The following SLC26A11 variants were observed in gnomAD, a reference collection of about 807,000 sequenced individuals.
The protein encoded by SLC26A11 is solute carrier family 26 member 11, also known as sodium-independent sulfate anion transporter.
In SLC26A11, 58 loss-of-function variants were observed where a neutral mutation model predicts 62.2. The observed-to-expected ratio is 0.93, with a 90% confidence interval of 0.76 to 1.16. The LOEUF (loss-of-function observed/expected upper bound fraction) is 1.16, where lower values mean the gene tolerates loss of function less well. Ranked by LOEUF, SLC26A11 falls within the 50% of genes most tolerant of loss-of-function variation. The pLI, the probability that SLC26A11 is intolerant of heterozygous loss-of-function variation, is 0.00. For missense variants in SLC26A11, 790 were observed against 794.3 expected, an observed-to-expected ratio of 0.99 and a Z score of 0.06; for synonymous variants, 411 against 368.9, an observed-to-expected ratio of 1.11 and a Z score of -1.31.
intron 17 of SLC26A11, 40 bp downstream of exon 17, chr17:80,251,441 T>G (rs765032614): frequency 1.2e-6 from 2 of 1,611,236 alleles, no homozygotes; most frequent in East Asian, 4.5e-5. Context: ...GGTGATTTTG[T>G]AAAAATCATA....
At chr17:80,229,753 G>C (rs566457435) in intron 7 of SLC26A11, among the ~76,000 whole-genome samples, 36 of 152,262 alleles carry the variant, frequency 2.4e-4, no homozygotes, top group Non-Finnish European at 4.9e-4. Flanking sequence ...CTTAAACCTT[G>C]AGACTCAGAG....
At chr17:80,236,339 G>T (rs1024503579) in intron 7 of SLC26A11, among the ~76,000 whole-genome samples, 1 of 152,210 alleles carries the variant, frequency 6.6e-6, no homozygotes, top group African/African-American at 2.4e-5. Flanking sequence ...AGCTCCAGCT[G>T]CAGGCCTCCT....
rs1365948218 is a variant in SLC26A11 at position 80,222,800 on chromosome 17, C to T, written c.380C>T (p.Ala127Val). 1.2e-6 allele frequency: 2 copies of T among 1,614,224 alleles called. No individual in the cohort carries two copies. The highest frequency in any genetic ancestry group is 2.2e-5 in the South Asian group (2 of 91,086). Residue 127 changes from alanine (A) to valine (V), a missense_variant, in exon 4 of 18, where the codon GCC (alanine) becomes GTC (valine). Transcript: ENST00000361193. This position sits in a 1 kb window ranked among gnomAD's most constrained non-coding sequence, Gnocchi z 4.7. The stretch of plus-strand genomic sequence containing the variant: ...GAGCCCGCCTACGCTGTGCTGCTGG[C>T]CTTCCTGTCCGGCTGCATCCAGCTG... ...FHEPAYAVLLAFLSGCIQLAM... is the reference protein window; with the variant it reads ...FHEPAYAVLLVFLSGCIQLAM...
rs111866782 is a variant in SLC26A11, at chr17:80,238,888, C to T, written c.985+1294C>T. ...TGGCCCAGGCTGGAGTGCAGTGGCA[C>T]GATCTCTGCTCACTGCAACCTCCGC... On this transcript the variant is annotated intron_variant, in intron 9 of 17. Transcript: ENST00000361193. 8.3e-3 allele frequency among the ~76,000 whole-genome samples: 1,193 copies of T among 143,488 alleles called. 11 individuals are homozygous for T. Among genetic ancestry groups the T allele is most frequent in the African/African-American group, 0.029 (1,083 of 37,738 alleles). 94.1% of individuals were successfully genotyped at this position (143,488 alleles called of 152,430 possible).
At chr17:80,230,784 T>G (rs1379142779) in intron 7 of SLC26A11, among the ~76,000 whole-genome samples, 2 of 152,216 alleles carry the variant, frequency 1.3e-5, no homozygotes, top group Non-Finnish European at 2.9e-5. Context: ...CTCCCCAGTG[T>G]GTGTAGCATT....
intron 10 of SLC26A11, among the ~76,000 whole-genome samples, chr17:80,242,550 G>T (rs1270891908): frequency 1.3e-5 from 2 of 152,192 alleles, no homozygotes; most frequent in Non-Finnish European, 2.9e-5. Flanking sequence ...CCTGCCCTGT[G>T]CCTCCCTCCA....
At chr17:80,250,705 T>A (rs959655646) in intron 16 of SLC26A11, among the ~76,000 whole-genome samples, 1 of 151,982 alleles carries the variant, frequency 6.6e-6, no homozygotes, top group African/African-American at 2.4e-5. Flanking sequence ...CGCACGCCTG[T>A]AATCCCAGCT....
chr17:80,235,006 T>C (rs570058921), intron 7 of SLC26A11, among the ~76,000 whole-genome samples: 60 of 152,172 alleles, frequency 3.9e-4, no homozygotes, highest in Middle Eastern at 3.2e-3. Context: ...TCCACCACCA[T>C]GCCCAGCTAA....
chr17:80,224,315 G>C (rs1044297502), intron 5 of SLC26A11, among the ~76,000 whole-genome samples: 1 of 107,370 alleles, frequency 9.3e-6, no homozygotes, highest in Non-Finnish European at 1.8e-5. Flanking sequence ...GTGTGAGAGA[G>C]TGTGAGTGTG....
At chr17:80,232,172 C>T (rs897996086) in intron 7 of SLC26A11, among the ~76,000 whole-genome samples, 7 of 151,694 alleles carry the variant, frequency 4.6e-5, no homozygotes, top group Non-Finnish European at 2.9e-5. Flanking sequence ...TTTTTCTGGG[C>T]AATATTCTCT....
In SLC26A11 at chr17:80,248,649, G is replaced by A; in HGVS notation, c.1497G>A (p.Glu499=). ...TCCCTGCCATGGAGGCTCTGCGGGA[G>A]GAGATCCTAAGCCGGGCCCTGGAAG... is the stretch of plus-strand genomic sequence containing the variant. ...LSFPAMEALR[E]EILSRALEVS... Residue 499 remains glutamate (E), a synonymous_variant, in exon 15 of 18, where the codon GAG becomes GAA. Transcript: ENST00000361193. 6.3e-7 allele frequency: 1 copy of A among 1,579,970 alleles called. No homozygotes were observed. The highest frequency in any genetic ancestry group is 8.6e-7 in the Non-Finnish European group (1 of 1,162,958).
intron 16 of SLC26A11, among the ~76,000 whole-genome samples, chr17:80,250,838 A>G (rs2144990754): frequency 6.6e-6 from 1 of 150,638 alleles, no homozygotes; most frequent in South Asian, 2.1e-4. Flanking sequence ...AAAAACAAAC[A>G]AACAAACAAA....
At chr17:80,231,580 C>A (rs1006365164) in intron 7 of SLC26A11, among the ~76,000 whole-genome samples, 1 of 152,176 alleles carries the variant, frequency 6.6e-6, no homozygotes, top group African/African-American at 2.4e-5. Flanking sequence ...TTAGCTGCAT[C>A]CCACAGTTTT....
At chr17:80,242,228 C>T (rs1157154633) in intron 10 of SLC26A11, among the ~76,000 whole-genome samples, 4 of 152,172 alleles carry the variant, frequency 2.6e-5, no homozygotes, top group East Asian at 1.9e-4. Context: ...CTGCCTGCCT[C>T]GGCCTCCCAA....
At position 80,225,858 on chromosome 17, in the gene SLC26A11, A is replaced by T; in HGVS notation, c.535A>T (p.Ile179Phe). Residue 179 changes from isoleucine to phenylalanine, a missense_variant, in exon 6 of 18, where the codon ATC becomes TTC. Transcript: ENST00000361193. ...ACAGAACCTGCTGGGACTACAGAAC[A>T]TCCCCAGGCCGTTCTTCCTGCAGGT... is the stretch of plus-strand genomic sequence containing the variant. The part of the protein sequence containing the change: ...QIKNLLGLQN[I>F]PRPFFLQVYH... 6.2e-7 allele frequency: 1 copy of T among 1,613,984 alleles called. No individual in the cohort carries two copies. Among genetic ancestry groups the T allele is most frequent in the South Asian group, 1.1e-5 (1 of 91,068 alleles).
chr17:80,231,305 G>A (rs1006483014), intron 7 of SLC26A11, among the ~76,000 whole-genome samples: 1 of 151,750 alleles, frequency 6.6e-6, no homozygotes, highest in Non-Finnish European at 1.5e-5. Context: ...TGGGATTACA[G>A]GCGTATGCCA....
intron 10 of SLC26A11, among the ~76,000 whole-genome samples, 183 bp downstream of exon 10, chr17:80,242,004 T>G (rs1415508062): frequency 6.6e-6 from 1 of 152,216 alleles, no homozygotes; most frequent in African/African-American, 2.4e-5. Flanking sequence ...TGAGATGGAG[T>G]CTCACTCTGT....
At chr17:80,238,001 G>A (rs1227854416) in intron 9 of SLC26A11, among the ~76,000 whole-genome samples, 1 of 152,188 alleles carries the variant, frequency 6.6e-6, no homozygotes, top group Non-Finnish European at 1.5e-5. Context: ...AGATACAGTG[G>A]GTGCAAATAA....
intron 7 of SLC26A11, among the ~76,000 whole-genome samples, chr17:80,230,492 G>A (rs1049215793): frequency 6.6e-6 from 1 of 152,104 alleles, no homozygotes; most frequent in Non-Finnish European, 1.5e-5. Flanking sequence ...GTGAAGAAAG[G>A]CGACCAGCTT....
Sources: allele counts gnomAD v4.1 joint callset (sites outside exome capture counted in the v4.1 genomes callset), GRCh38; gene constraint gnomAD v4.1.1; non-coding constraint Gnocchi (gnomAD v3.1); transcripts MANE v1.5; gene names NCBI Gene and HGNC (gene_info 2026-07-23, HGNC 2026-07-21).